IKBKG: variants seen among roughly 807,000 people sequenced by gnomAD.
IKBKG encodes the protein inhibitor of nuclear factor kappa B kinase regulatory subunit gamma.
A neutral mutation model predicts 13.7 loss-of-function variants in IKBKG; 2 were observed. The ratio of observed to expected loss-of-function variants is 0.15; its 90% CI spans 0.06 to 0.46. The LOEUF (loss-of-function observed/expected upper bound fraction) is 0.46. Ranked by LOEUF, IKBKG falls within the 20% of genes least tolerant of loss-of-function variation. The probability of loss-of-function intolerance (pLI) is 0.98; values close to 1 mark genes in which losing one functional copy is unlikely to be tolerated. For synonymous variants in IKBKG, 22 were observed against 64.4 expected (o/e 0.34, Z 3.15); for missense variants, 53 against 150.3 (o/e 0.35, Z 3.39).
intron 1 of IKBKG, 76 bp from the exon 2 acceptor site, chrX:154,551,912 C>T (rs1369608681): frequency 3.8e-6 from 3 of 791,849 alleles, no homozygotes; most frequent in Non-Finnish European, 3.4e-6. Flanking sequence ...AAAATGTAGC[C>T]CCAGAACTCA....
At chrX:154,552,398 A>G (rs1326024954) in intron 2 of IKBKG, among the ~76,000 whole-genome samples, 1 of 112,082 alleles carries the variant, frequency 8.9e-6, no homozygotes, top group Non-Finnish European at 1.9e-5. Flanking sequence ...CAGGGGAAGA[A>G]GCCAGGGAGG....
At chrX:154,550,757 C>T (rs1346745333) in intron 1 of IKBKG, among the ~76,000 whole-genome samples, 3 of 111,183 alleles carry the variant, frequency 2.7e-5, no homozygotes, top group African/African-American at 9.8e-5. Context: ...TCTCTTGCTT[C>T]GGCCTCCCGA....
At position 154,552,051 on chromosome X, in the gene IKBKG, A is replaced by G. The variant is rs1557235176; in HGVS notation, c.49A>G (p.Ser17Gly). The G allele has an allele frequency of 8.6e-7, 1 of 1,164,458 alleles. No homozygotes were observed. Among genetic ancestry groups the G allele is most frequent in the South Asian group, 2.0e-5 (1 of 50,115 alleles). ...CCAACTGTGTGAGATGGTGCAGCCC[A>G]GTGGTGGCCCGGCAGCAGATCAGGA... ...KSQLCEMVQP[S>G]GGPAADQDVL... is the part of the protein sequence containing the mutation. Residue 17 changes from serine to glycine, a missense_variant, in exon 2 of 10, where the codon AGT becomes GGT. Physicochemically the swap from Ser to Gly is moderately conservative, Grantham distance 56 (BLOSUM62 0). This residue lies in a region of IKBKG where 47 missense variants were observed against 50.0 expected (regional missense o/e 0.94). Transcript: ENST00000594239.
chrX:154,555,860 A>G (rs1226637520), intron 2 of IKBKG, among the ~76,000 whole-genome samples: 4 of 113,055 alleles, frequency 3.5e-5, no homozygotes, highest in South Asian at 7.2e-4. Context: ...GATTACAGGC[A>G]TGAGCCACAG....
At chrX:154,551,213 G>T (rs1236164651) in intron 1 of IKBKG, among the ~76,000 whole-genome samples, 1 of 109,297 alleles carries the variant, frequency 9.1e-6, no homozygotes, top group Non-Finnish European at 1.9e-5. Flanking sequence ...CTCCCAAAGT[G>T]CTGGGATTAC....
intron 1 of IKBKG, chrX:154,547,954 C>T (rs1421382125): frequency 1.3e-6 from 1 of 753,687 alleles, no homozygotes; most frequent in Non-Finnish European, 1.6e-6. Flanking sequence ...CCTCCTCCTC[C>T]ACTGCGGGGT....
At chrX:154,546,336 G>C (rs1285903964), upstream of IKBKG, 2 of 583,969 alleles carry the variant, frequency 3.4e-6, no homozygotes, top group Non-Finnish European at 5.5e-6. Context: ...GAAACTGCTG[G>C]CTCTGGGCTC....
chrX:154,555,187 G>A (rs782184485), intron 2 of IKBKG, among the ~76,000 whole-genome samples: 1 of 112,050 alleles, frequency 8.9e-6, no homozygotes, highest in African/African-American at 3.2e-5. Context: ...GCTCAGAGAC[G>A]CCACTAACTT....
upstream of IKBKG, chrX:154,546,851 G>A (rs782150651): frequency 2.0e-5 from 22 of 1,125,088 alleles, no homozygotes; most frequent in Middle Eastern, 2.6e-4. Flanking sequence ...GTTTCCGGGG[G>A]CTGAGCCCCG....
At chrX:154,544,585 G>A (rs1157187688), upstream of IKBKG, among the ~76,000 whole-genome samples, 2 of 112,574 alleles carry the variant, frequency 1.8e-5, no homozygotes, top group Admixed American at 9.4e-5. Flanking sequence ...GTGAGCCACC[G>A]TGCCCGGCCA....
At chrX:154,545,075 C>T (rs1249791438), upstream of IKBKG, among the ~76,000 whole-genome samples, 2 of 111,744 alleles carry the variant, frequency 1.8e-5, no homozygotes, top group South Asian at 3.7e-4. Flanking sequence ...TTCCACCAGC[C>T]CCTGCACAGT....
upstream of IKBKG, among the ~76,000 whole-genome samples, chrX:154,542,818 C>G (rs781959728): frequency 6.3e-5 from 7 of 111,960 alleles, no homozygotes; most frequent in Admixed American, 2.8e-4. Context: ...GACACAGGGC[C>G]CATGTGTATC....
chrX:154,542,216 CT>C, intron 1 of IKBKG: 1 of 879,701 alleles, frequency 1.1e-6, no homozygotes, highest in South Asian at 2.3e-5. Flanking sequence ...TGGGTCATCC[CT>C]CCCACAGGCC....
intron 1 of IKBKG, among the ~76,000 whole-genome samples, chrX:154,550,766 G>T (rs1448415951): frequency 1.6e-4 from 18 of 110,884 alleles, no homozygotes; most frequent in African/African-American, 5.3e-4. Context: ...TCGGCCTCCC[G>T]AGTAGCTGGG....
At chrX:154,546,648 C>T, upstream of IKBKG, 1 of 512,204 alleles carries the variant, frequency 2.0e-6, no homozygotes, top group Non-Finnish European at 3.1e-6. Flanking sequence ...AGAGGAGGTG[C>T]GGGGTATAAA....
At chrX:154,553,463 G>C (rs782202624) in intron 2 of IKBKG, among the ~76,000 whole-genome samples, 19 of 112,646 alleles carry the variant, frequency 1.7e-4, no homozygotes, top group Non-Finnish European at 3.0e-4. Context: ...TACTGTCAAG[G>C]CAAATCACCT....
At chrX:154,544,377 G>C (rs1042423099), upstream of IKBKG, among the ~76,000 whole-genome samples, 2 of 110,331 alleles carry the variant, frequency 1.8e-5, no homozygotes, top group African/African-American at 6.6e-5. Flanking sequence ...GGCCAGGATG[G>C]TCTCGATCTC....
chrX:154,547,197 C>A, upstream of IKBKG: 1 of 402,983 alleles, frequency 2.5e-6, no homozygotes, highest in Non-Finnish European at 3.2e-6. Flanking sequence ...GCCTCGCGCG[C>A]TCGCGGAGGG....
At chrX:154,542,760 T>A (rs2070554017), upstream of IKBKG, among the ~76,000 whole-genome samples, 1 of 112,044 alleles carries the variant, frequency 8.9e-6, no homozygotes, top group South Asian at 3.7e-4. Context: ...TCTGTGTTTG[T>A]GCTCTCCCGG....
Sources: gnomAD v4.1 joint callset for allele counts (sites outside exome capture counted in the v4.1 genomes callset) on GRCh38, gnomAD v4.1.1 for gene constraint, gnomAD v4.1.1 regional missense constraint, MANE v1.5 for transcripts, NCBI Gene and HGNC (gene_info 2026-07-23, HGNC 2026-07-21) for gene names.